The following PLEKHG1 variants were observed in gnomAD, a reference collection of about 807,000 sequenced individuals.
The protein encoded by PLEKHG1 is pleckstrin homology and RhoGEF domain containing G1.
In PLEKHG1, 44 loss-of-function variants were observed where a neutral mutation model predicts 100.8. That is an observed-to-expected ratio of 0.44 (90% confidence interval 0.34 to 0.56). PLEKHG1 has a LOEUF of 0.56. Among genes scored for constraint, PLEKHG1 ranks in the 20% least tolerant of loss-of-function variants. The pLI is 0.01. For missense variants in PLEKHG1, 1,545 were observed against 1,720.9 expected, an observed-to-expected ratio of 0.90 and a Z score of 1.81; for synonymous variants, 640 against 662.5, an observed-to-expected ratio of 0.97 and a Z score of 0.52.
chr6:150,779,694 T>C (rs1024879141), intron 3 of PLEKHG1, among the ~76,000 whole-genome samples: 1 of 146,402 alleles, frequency 6.8e-6, no homozygotes, highest in East Asian at 2.4e-4. Flanking sequence ...AGGCCGGGCG[T>C]GGTGGCTCAC....
At chr6:150,818,055 CATAA>C (rs748263192) in intron 10 of PLEKHG1, 124 bp from the exon 12 acceptor site, 43 of 767,290 alleles carry the variant, frequency 5.6e-5, no homozygotes, top group Non-Finnish European at 8.5e-5. Context: ...AAATGCTTAA[CATAA>C]ATAGCGAGTT....
intron 2 of PLEKHG1, among the ~76,000 whole-genome samples, chr6:150,748,989 G>T (rs1783338482): frequency 6.6e-6 from 1 of 152,056 alleles, no homozygotes; most frequent in African/African-American, 2.4e-5. Context: ...GGGAGATGTT[G>T]TGTTCCTTTT....
intron 7 of PLEKHG1, among the ~76,000 whole-genome samples, chr6:150,808,432 T>TTTC (rs1554277107): frequency 1.3e-5 from 2 of 150,626 alleles, no homozygotes; most frequent in African/African-American, 4.9e-5. Context: ...TTTTTTTTTT[T>TTTC]CCCAGAGAGG....
At chr6:150,659,460 A>G (rs1393640912) in intron 3 of PLEKHG1, among the ~76,000 whole-genome samples, 1 of 152,192 alleles carries the variant, frequency 6.6e-6, no homozygotes, top group Non-Finnish European at 1.5e-5. Flanking sequence ...GCCTCAGGCA[A>G]GTTATTTGCC....
intron 2 of PLEKHG1, among the ~76,000 whole-genome samples, chr6:150,747,128 A>G (rs371132651): frequency 3.9e-5 from 6 of 152,356 alleles, no homozygotes; most frequent in South Asian, 2.1e-4. Flanking sequence ...CGGTTGGGTT[A>G]GAATCATGCT....
Position 150,700,821 on chromosome 6 carries a change from T to C in PLEKHG1, c.-98-32763T>C, listed in dbSNP as rs533142079. On this transcript the variant is annotated intron_variant, in intron 3 of 3. Transcript: ENST00000367326. Reference sequence around the variant, plus strand: ...AGAGAGTTGTGAGGAATTAGTCTAATACAGGCAAAACAGCACCTGGCACTT... The same window carrying C: ...AGAGAGTTGTGAGGAATTAGTCTAACACAGGCAAAACAGCACCTGGCACTT... 4.6e-5 allele frequency among the ~76,000 whole-genome samples: 7 copies of C among 152,258 alleles called. No individual in the cohort carries two copies. In the East Asian group the frequency reaches 5.8e-4, roughly 13 times the overall value.
chr6:150,660,071 A>ATT (rs60016202), intron 3 of PLEKHG1, among the ~76,000 whole-genome samples: 1 of 143,676 alleles, frequency 7.0e-6, no homozygotes, highest in African/African-American at 2.6e-5. Flanking sequence ...TTTGTTCATA[A>ATT]TTTTTTTTTT....
At position 150,603,088 on chromosome 6, in the gene PLEKHG1, A is replaced by T. The variant is rs1216776002; in HGVS notation, c.-204+3071A>T. Among the ~76,000 whole-genome samples the T allele has an allele frequency of 9.9e-4, 148 of 148,946 alleles. 4 individuals are homozygous for T. The highest frequency in any genetic ancestry group is 3.3e-3 in the African/African-American group (136 of 40,910). The stretch of plus-strand genomic sequence containing the variant: ...CAGCGAGACTCCGTCTCAAAAAAAA[A>T]AAAAATAAAAAAAAAGAAAAGAAAA... On this transcript the variant is annotated intron_variant, in intron 1 of 3. Transcript: ENST00000367326.
At chr6:150,777,151 TACTC>T (rs1316922392) in intron 3 of PLEKHG1, among the ~76,000 whole-genome samples, 1 of 144,926 alleles carries the variant, frequency 6.9e-6, no homozygotes, top group Non-Finnish European at 1.5e-5. Flanking sequence ...AGTTGCACAT[TACTC>T]ACACTGATGC....
chr6:150,631,509 T>C (rs930028706), intron 1 of PLEKHG1, among the ~76,000 whole-genome samples: 1 of 151,588 alleles, frequency 6.6e-6, no homozygotes, highest in African/African-American at 2.4e-5. Flanking sequence ...TCGGACAGAG[T>C]CTTGTGGCTT....
At chr6:150,768,685 C>T (rs760449249) in exon 3 of PLEKHG1, 24 of 1,612,602 alleles carry the variant, frequency 1.5e-5, no homozygotes, top group South Asian at 6.6e-5. Flanking sequence ...CCCTGGGGAC[C>T]GAAGAAAGAT....
intron 3 of PLEKHG1, among the ~76,000 whole-genome samples, chr6:150,680,523 TA>T (rs1372081219): frequency 6.6e-6 from 1 of 152,216 alleles, no homozygotes; most frequent in Non-Finnish European, 1.5e-5. Flanking sequence ...GCTGAAAATA[TA>T]AATGAGTCAT....
At chr6:150,798,775 C>T (rs1002245610) in intron 5 of PLEKHG1, among the ~76,000 whole-genome samples, 2 of 152,192 alleles carry the variant, frequency 1.3e-5, no homozygotes, top group Non-Finnish European at 2.9e-5. Context: ...GAGTCTCGCT[C>T]TGTTGCCCAG....
chr6:150,705,330 G>T (rs895637709), intron 3 of PLEKHG1, among the ~76,000 whole-genome samples: 1 of 152,226 alleles, frequency 6.6e-6, no homozygotes. Flanking sequence ...CATCTTCAGG[G>T]AAACTTTTAA....
chr6:150,832,245 G>C, intron 15 of PLEKHG1, 40 bp downstream of exon 16: 1 of 1,485,712 alleles, frequency 6.7e-7, no homozygotes, highest in Non-Finnish European at 9.0e-7. Flanking sequence ...CAAAGTAAGA[G>C]GGGAGAGCGG....
At chr6:150,630,297 G>C (rs1411547476) in intron 1 of PLEKHG1, among the ~76,000 whole-genome samples, 1 of 152,212 alleles carries the variant, frequency 6.6e-6, no homozygotes, top group Non-Finnish European at 1.5e-5. Context: ...ATCAGTGCTG[G>C]GGAGGCATGC....
chr6:150,616,700 T>C (rs141418406), intron 1 of PLEKHG1, among the ~76,000 whole-genome samples: 131 of 152,362 alleles, frequency 8.6e-4, no homozygotes, highest in African/African-American at 3.1e-3. Flanking sequence ...AGAGGAAACG[T>C]CTAAAGATGT....
chr6:150,646,643 T>G (rs1778515073), intron 2 of PLEKHG1, among the ~76,000 whole-genome samples: 1 of 152,170 alleles, frequency 6.6e-6, no homozygotes. Flanking sequence ...AAGGGGTTTT[T>G]ATGTTGCAGT....
chr6:150,626,143 A>G (rs896785780), intron 1 of PLEKHG1: 4 of 88,028 alleles, frequency 4.5e-5, no homozygotes, highest in African/African-American at 1.9e-4. Flanking sequence ...AACATAGGCC[A>G]TTGTGGGGCG....
Sources: gnomAD v4.1 joint callset for allele counts (sites outside exome capture counted in the v4.1 genomes callset) on GRCh38, gnomAD v4.1.1 for gene constraint, MANE v1.5 for transcripts, NCBI Gene and HGNC (gene_info 2026-07-23, HGNC 2026-07-21) for gene names.